CCDC148: variants seen among roughly 807,000 people sequenced by gnomAD.
CCDC148 encodes coiled-coil domain-containing protein 148.
Under a neutral mutation model 85.7 loss-of-function variants are expected in CCDC148, and 89 were observed. That is an observed-to-expected ratio of 1.04 (90% CI 0.87 to 1.24). The LOEUF (loss-of-function observed/expected upper bound fraction) is 1.24, where lower values mean the gene tolerates loss of function less well. Ranked by LOEUF, CCDC148 falls within the 50% of genes most tolerant of loss-of-function variation. CCDC148 has a pLI of 0.00. For synonymous variants in CCDC148, 230 were observed against 213.9 expected (o/e 1.08, Z -0.66); for missense variants, 692 against 671.7 (o/e 1.03, Z -0.33).
chr2:158,436,907 C>A (rs1004448639), intron 1 of CCDC148, among the ~76,000 whole-genome samples: 1 of 152,142 alleles, frequency 6.6e-6, no homozygotes, highest in Admixed American at 6.5e-5. Flanking sequence ...GACACATACA[C>A]CCTCTCAAGA....
chr2:158,332,880 C>A (rs555208662), intron 7 of CCDC148, among the ~76,000 whole-genome samples: 1 of 64,052 alleles, frequency 1.6e-5, no homozygotes, highest in African/African-American at 5.9e-5. Flanking sequence ...GTGGTGATAT[C>A]CCCTATAACA....
Position 158,338,879 on chromosome 2 carries a change from G to A in CCDC148, c.611C>T (p.Thr204Ile). ...KILDHSLEEK[T>I]NPLSELPIEL... ...AATGGGCAGTTCACTAAGCGGGTTA[G>A]TCTTTTCTTCCAAAGAATGATCTAG... The change falls in exon 7 of 14, where the codon ACT becomes ATT. Residue 204 changes from threonine (T) to isoleucine (I), a missense_variant. Coordinates refer to ENST00000283233, the MANE Select transcript of CCDC148 (RefSeq NM_138803.4). 2.5e-6 allele frequency: 4 copies of A among 1,607,298 alleles called. No individual in the cohort carries two copies. The highest frequency in any genetic ancestry group is 3.4e-6 in the Non-Finnish European group (4 of 1,178,302).
chr2:158,293,131 T>C (rs1245806276), intron 9 of CCDC148, among the ~76,000 whole-genome samples: 2 of 152,132 alleles, frequency 1.3e-5, no homozygotes, highest in African/African-American at 2.4e-5. Flanking sequence ...TTTCACATGT[T>C]TAGCGTCCAG....
At chr2:158,278,127 GA>G (rs1690049097) in intron 9 of CCDC148, among the ~76,000 whole-genome samples, 2 of 152,146 alleles carry the variant, frequency 1.3e-5, no homozygotes, top group South Asian at 4.2e-4. Context: ...AAATTTATTT[GA>G]AAATAAAACC....
intron 1 of CCDC148, among the ~76,000 whole-genome samples, chr2:158,403,050 T>C (rs1209716927): frequency 1.3e-5 from 2 of 152,100 alleles, no homozygotes; most frequent in Non-Finnish European, 2.9e-5. Context: ...AAGAAAGAGT[T>C]TCTTGGGCAA....
chr2:158,326,794 C>A (rs1301404846), intron 7 of CCDC148, among the ~76,000 whole-genome samples: 1 of 152,030 alleles, frequency 6.6e-6, no homozygotes, highest in Non-Finnish European at 1.5e-5. Flanking sequence ...ACCTACTCCC[C>A]CAGGCATCTG....
At chr2:158,270,644 G>T (rs968259035) in intron 9 of CCDC148, among the ~76,000 whole-genome samples, 1 of 152,152 alleles carries the variant, frequency 6.6e-6, no homozygotes, top group Non-Finnish European at 1.5e-5. Flanking sequence ...AGTAGCTTTT[G>T]TTAGCAAGCA....
chr2:158,328,728 T>C (rs1692927490), intron 7 of CCDC148, among the ~76,000 whole-genome samples: 1 of 152,236 alleles, frequency 6.6e-6, no homozygotes, highest in Non-Finnish European at 1.5e-5. Flanking sequence ...AGATGGTATC[T>C]CATTGTGGTT....
chr2:158,228,887 C>G (rs1031581550), intron 10 of CCDC148, among the ~76,000 whole-genome samples: 1 of 146,704 alleles, frequency 6.8e-6, no homozygotes, highest in South Asian at 2.2e-4. Context: ...TGCAGCACAC[C>G]AACATGGCAC....
At chr2:158,196,722 A>AT (rs1436734099) in intron 11 of CCDC148, among the ~76,000 whole-genome samples, 1 of 152,052 alleles carries the variant, frequency 6.6e-6, no homozygotes, top group Non-Finnish European at 1.5e-5. Context: ...TTTCATATAA[A>AT]TTTTACGTCT....
chr2:158,186,045 T>A (rs1436251707), intron 11 of CCDC148, among the ~76,000 whole-genome samples: 1 of 152,064 alleles, frequency 6.6e-6, no homozygotes, highest in Non-Finnish European at 1.5e-5. Context: ...GCCACTACTT[T>A]TATTGCAACC....
At chr2:158,312,264 C>G (rs909444261) in intron 8 of CCDC148, among the ~76,000 whole-genome samples, 1 of 152,132 alleles carries the variant, frequency 6.6e-6, no homozygotes, top group Non-Finnish European at 1.5e-5. Context: ...CAAAAATATA[C>G]TTAACATCTT....
At chr2:158,278,179 C>T (rs10193719) in intron 9 of CCDC148, among the ~76,000 whole-genome samples, 69,209 of 151,852 alleles carry the variant, frequency 0.46, 16,269 homozygotes, top group East Asian at 0.65. Context: ...CTCCAGTCTA[C>T]AGCTCCCAGT....
At position 158,313,904 on chromosome 2, in the gene CCDC148, A is replaced by G. The variant is rs200509845; in HGVS notation, c.765-10T>C. 1.1e-4 allele frequency: 182 copies of G among 1,609,196 alleles called. No homozygotes were observed. The African/African-American group carries it at 2.1e-3, about 19-fold the overall frequency. ...ACTTAGTTGACAGTTTCTAGAAGCA[A>G]CAAAAATGTCACAACATATTATTGA... is the stretch of plus-strand genomic sequence containing the variant. On this transcript the variant is annotated splice_polypyrimidine_tract_variant and intron_variant, in intron 7 of 13. Transcript: ENST00000283233.
intron 1 of CCDC148, among the ~76,000 whole-genome samples, chr2:158,422,424 T>C (rs1402040819): frequency 6.6e-6 from 1 of 152,202 alleles, no homozygotes; most frequent in Non-Finnish European, 1.5e-5. Flanking sequence ...GCAAGGCTTG[T>C]TCAACATATG....
intron 1 of CCDC148, among the ~76,000 whole-genome samples, chr2:158,446,816 C>G (rs1688176056): frequency 6.6e-6 from 1 of 152,144 alleles, no homozygotes; most frequent in South Asian, 2.1e-4. Flanking sequence ...TGTCTTCTAT[C>G]TCCATATTTT....
intron 9 of CCDC148, among the ~76,000 whole-genome samples, chr2:158,262,602 G>C (rs182935203): frequency 1.3e-5 from 2 of 151,964 alleles, no homozygotes; most frequent in Non-Finnish European, 2.9e-5. Context: ...GGCTAGGGAG[G>C]CCTCAGGAAA....
chr2:158,251,578 C>A (rs776699536), intron 9 of CCDC148, among the ~76,000 whole-genome samples: 26 of 151,666 alleles, frequency 1.7e-4, no homozygotes, highest in Non-Finnish European at 7.4e-5. Flanking sequence ...AAAAATGTAC[C>A]CACAGGAATG....
chr2:158,242,633 G>GTT (rs370301211), intron 10 of CCDC148, among the ~76,000 whole-genome samples: 6,016 of 138,936 alleles, frequency 0.043, 400 homozygotes, highest in African/African-American at 0.14. Flanking sequence ...CCACTCTGTA[G>GTT]TTTTTTTTTT....
Sources: gnomAD v4.1 joint callset for allele counts (sites outside exome capture counted in the v4.1 genomes callset) on GRCh38, gnomAD v4.1.1 for gene constraint, MANE v1.5 for transcripts, NCBI Gene and HGNC (gene_info 2026-07-23, HGNC 2026-07-21) for gene names.